The following PDE4D variants were observed in gnomAD, a reference collection of about 807,000 sequenced individuals.
PDE4D encodes 3',5'-cyclic-AMP phosphodiesterase 4D.
A neutral mutation model predicts 87.4 loss-of-function variants in PDE4D; 24 were observed. That is an observed-to-expected ratio of 0.27 (90% CI 0.20 to 0.39). The LOEUF (loss-of-function observed/expected upper bound fraction) is 0.39. Ranked by LOEUF, PDE4D falls within the 10% of genes least tolerant of loss-of-function variation. The pLI, the probability that PDE4D is intolerant of heterozygous loss-of-function variation, is 1.00. For missense variants in PDE4D, 714 were observed against 1,041.0 expected, an observed-to-expected ratio of 0.69 and a Z score of 4.32; for synonymous variants, 384 against 383.2, an observed-to-expected ratio of 1.00 and a Z score of -0.02.
intron 1 of PDE4D, among the ~76,000 whole-genome samples, chr5:59,820,718 G>T (rs1412650473): frequency 6.6e-6 from 1 of 152,016 alleles, no homozygotes; most frequent in Admixed American, 6.6e-5. Context: ...TCATTCTATG[G>T]GCTTGCTCCT....
chr5:60,017,242 C>A (rs1765611918), intron 2 of PDE4D, among the ~76,000 whole-genome samples: 1 of 152,128 alleles, frequency 6.6e-6, no homozygotes, highest in African/African-American at 2.4e-5. Context: ...GTAATACAGG[C>A]TTTGTTGTTC....
intron 1 of PDE4D, among the ~76,000 whole-genome samples, chr5:60,446,965 G>C (rs757103889): frequency 6.6e-6 from 1 of 152,104 alleles, no homozygotes; most frequent in Admixed American, 6.5e-5. Flanking sequence ...CTGCCCTGGG[G>C]GCCTTGGCAA....
intron 9 of PDE4D, 60 bp downstream of exon 9, chr5:58,990,744 C>G: frequency 2.3e-6 from 2 of 887,504 alleles, no homozygotes; most frequent in East Asian, 5.3e-5. Flanking sequence ...TATGCATAAG[C>G]TACAGACTGG....
intron 1 of PDE4D, among the ~76,000 whole-genome samples, chr5:59,489,212 C>T (rs1392508018): frequency 1.3e-5 from 2 of 151,300 alleles, no homozygotes; most frequent in African/African-American, 4.9e-5. Flanking sequence ...TTGCAGTGAG[C>T]CAAGATCACA....
intron 1 of PDE4D, among the ~76,000 whole-genome samples, chr5:59,771,433 A>AAGAAAAAG (rs758826036): frequency 3.2e-5 from 3 of 93,898 alleles, no homozygotes; most frequent in South Asian, 3.8e-4. Context: ...AAGAAAAAGA[A>AAGAAAAAG]AAAGAAAGAA....
At chr5:60,089,602 A>G (rs1196281217) in intron 2 of PDE4D, among the ~76,000 whole-genome samples, 2 of 152,030 alleles carry the variant, frequency 1.3e-5, no homozygotes, top group Non-Finnish European at 2.9e-5. Flanking sequence ...GAAAGACTTC[A>G]AACAAACAAC....
At chr5:59,090,059 TG>T (rs1175048899) in intron 5 of PDE4D, among the ~76,000 whole-genome samples, 1 of 152,040 alleles carries the variant, frequency 6.6e-6, no homozygotes, top group African/African-American at 2.4e-5. Context: ...CTAATAGAAA[TG>T]ATTTTCTCGA....
At chr5:59,952,656 A>ATTGTCCTTTTT in intron 3 of PDE4D, among the ~76,000 whole-genome samples, 1 of 152,212 alleles carries the variant, frequency 6.6e-6, no homozygotes, top group South Asian at 2.1e-4. Context: ...AAAGCATAAA[A>ATTGTCCTTTTT]AGGACACAGA....
At chr5:59,737,347 T>C (rs1175342252) in intron 1 of PDE4D, among the ~76,000 whole-genome samples, 2 of 152,152 alleles carry the variant, frequency 1.3e-5, no homozygotes, top group Admixed American at 6.5e-5. Flanking sequence ...TTAAATTCCC[T>C]AGCTTTGTTT....
At chr5:59,779,116 T>G (rs975997262) in intron 1 of PDE4D, among the ~76,000 whole-genome samples, 57 of 151,798 alleles carry the variant, frequency 3.8e-4, no homozygotes, top group Non-Finnish European at 2.8e-4. Flanking sequence ...GAGCCGAGAT[T>G]GCACCGCTGC....
At chr5:59,663,260 G>A (rs1745545651) in intron 1 of PDE4D, among the ~76,000 whole-genome samples, 1 of 151,910 alleles carries the variant, frequency 6.6e-6, no homozygotes, top group South Asian at 2.1e-4. Flanking sequence ...TGCCTCCTGG[G>A]TTCATGCAAC....
rs192420308 is a variant in PDE4D, at chr5:59,038,216, C to T, written c.921+643G>A. ...CTCAAAACTCCATTAACTGCCAAGA[C>T]CAGCACCTTAGCACATATGGCACAG... is the stretch of plus-strand genomic sequence containing the variant. On this transcript the variant is annotated intron_variant, in intron 6 of 14. Transcript: ENST00000340635. 2.6e-5 allele frequency among the ~76,000 whole-genome samples: 4 copies of T among 152,348 alleles called. No individual in the cohort carries two copies. In the East Asian group the frequency reaches 7.7e-4, roughly 29 times the overall value.
intron 1 of PDE4D, among the ~76,000 whole-genome samples, chr5:59,514,822 T>G (rs565975447): frequency 1.3e-5 from 2 of 152,244 alleles, no homozygotes; most frequent in Admixed American, 1.3e-4. Flanking sequence ...GAGTTCCATG[T>G]AAAGAGCTTA....
intron 1 of PDE4D, among the ~76,000 whole-genome samples, chr5:60,415,457 G>A (rs1172682620): frequency 1.3e-5 from 2 of 152,250 alleles, no homozygotes; most frequent in East Asian, 1.9e-4. Context: ...GGTGTGGAGG[G>A]AGAGGTGCAG....
chr5:60,389,906 G>A lies in PDE4D; in HGVS notation c.-90+98036C>T, dbSNP rs145236544. ...ATTTCTTGATGGAAGGAGTGTCAAA[G>A]GATTTTGAGGCCATGTTTTAAAGCT... On this transcript the variant is annotated intron_variant, in intron 1 of 16. Coordinates refer to the PDE4D transcript ENST00000502484. 8.5e-5 allele frequency among the ~76,000 whole-genome samples: 13 copies of A among 152,300 alleles called. No homozygotes were observed. The East Asian group carries it at 2.3e-3, about 27-fold the overall frequency.
intron 1 of PDE4D, among the ~76,000 whole-genome samples, chr5:60,269,721 A>T (rs1186871634): frequency 1.3e-5 from 2 of 152,180 alleles, no homozygotes; most frequent in African/African-American, 2.4e-5. Flanking sequence ...ACCACAAAAA[A>T]GTTATACATA....
At chr5:59,750,245 T>A (rs1760240282) in intron 1 of PDE4D, among the ~76,000 whole-genome samples, 1 of 152,124 alleles carries the variant, frequency 6.6e-6, no homozygotes, top group Admixed American at 6.6e-5. Flanking sequence ...CTTCCAAAAC[T>A]TATGATAGAC....
intron 1 of PDE4D, among the ~76,000 whole-genome samples, chr5:59,402,145 G>T (rs1790752420): frequency 6.6e-6 from 1 of 152,176 alleles, no homozygotes; most frequent in African/African-American, 2.4e-5. Context: ...ATCAACAATG[G>T]CATGGAAATT....
intron 1 of PDE4D, among the ~76,000 whole-genome samples, chr5:60,514,451 A>G (rs902351923): frequency 6.6e-6 from 1 of 152,086 alleles, no homozygotes; most frequent in African/African-American, 2.4e-5. Flanking sequence ...TTAAATGTTA[A>G]CCACCTGAAT....
Sources: allele counts gnomAD v4.1 joint callset (sites outside exome capture counted in the v4.1 genomes callset), GRCh38; gene constraint gnomAD v4.1.1; transcripts MANE v1.5; gene names NCBI Gene and HGNC (gene_info 2026-07-23, HGNC 2026-07-21).